REEP5: variants seen among roughly 807,000 people sequenced by gnomAD.
REEP5 encodes receptor accessory protein 5, also known as receptor expression-enhancing protein 5.
REEP5 carries 24 observed loss-of-function variants against 22.4 expected under a neutral mutation model. The ratio of observed to expected loss-of-function variants is 1.07; its 90% confidence interval spans 0.78 to 1.51. REEP5 has a LOEUF of 1.51. Among genes scored for constraint, REEP5 ranks in the 40% most tolerant of loss-of-function variants. The pLI, the probability that REEP5 is intolerant of heterozygous loss-of-function variation, is 0.00. For synonymous variants in REEP5, 103 were observed against 88.6 expected, an observed-to-expected ratio of 1.16 and a Z score of -0.92; for missense variants, 252 against 233.0, an observed-to-expected ratio of 1.08 and a Z score of -0.53.
intron 2 of REEP5, among the ~76,000 whole-genome samples, chr5:112,903,776 T>G (rs1036150039): frequency 3.3e-5 from 5 of 152,144 alleles, no homozygotes; most frequent in African/African-American, 1.2e-4. Flanking sequence ...TGATTACTAA[T>G]GAGGAAGACA....
At chr5:112,895,815 C>T (rs77945589) in intron 3 of REEP5, 10,059 of 152,234 alleles carry the variant, frequency 0.066, 391 homozygotes, top group South Asian at 0.14. Context: ...ACAGATCTGG[C>T]TCTTTTCAAT....
intron 4 of REEP5, among the ~76,000 whole-genome samples, chr5:112,885,994 G>A (rs1021582045): frequency 6.6e-6 from 1 of 152,228 alleles, no homozygotes; most frequent in African/African-American, 2.4e-5. Flanking sequence ...GTGACTGTGG[G>A]TATGAGGGCT....
At chr5:112,892,527 G>C in intron 3 of REEP5, 1 of 1,614,192 alleles carries the variant, frequency 6.2e-7, no homozygotes, top group Non-Finnish European at 8.5e-7. Flanking sequence ...ACGGACGATG[G>C]TATGCAGGAC....
At chr5:112,916,139 T>C (rs1769228016) in intron 2 of REEP5, among the ~76,000 whole-genome samples, 2 of 152,346 alleles carry the variant, frequency 1.3e-5, no homozygotes, top group South Asian at 4.1e-4. Flanking sequence ...TCTTTTTAAC[T>C]TGTGTTCCCC....
chr5:112,893,756 C>A (rs1240047252), intron 3 of REEP5: 2 of 152,274 alleles, frequency 1.3e-5, no homozygotes, highest in Non-Finnish European at 2.9e-5. Flanking sequence ...CAATGGTAGA[C>A]TAAGACCTTC....
intron 2 of REEP5, among the ~76,000 whole-genome samples, chr5:112,905,807 A>G (rs1481573865): frequency 6.6e-6 from 1 of 151,966 alleles, no homozygotes; most frequent in Non-Finnish European, 1.5e-5. Context: ...TTTTTTATAA[A>G]GACGGGGTTT....
intron 3 of REEP5, chr5:112,894,355 T>G (rs462692): frequency 0.54 from 82,759 of 152,096 alleles, 22,979 homozygotes; most frequent in African/African-American, 0.67. Flanking sequence ...GACCTCGTGA[T>G]CTGCCCACCT....
At chr5:112,914,450 C>T (rs1378506630) in intron 2 of REEP5, among the ~76,000 whole-genome samples, 3 of 151,880 alleles carry the variant, frequency 2.0e-5, no homozygotes. Context: ...GTTGTCCAGG[C>T]TGGTCTCAAA....
At chr5:112,878,905 T>C in intron 4 of REEP5, 70 bp from the exon 5 acceptor site, 1 of 1,611,300 alleles carries the variant, frequency 6.2e-7, no homozygotes, top group Admixed American at 1.7e-5. Flanking sequence ...CTTGCAAGCT[T>C]TGTGCCTAAT....
At chr5:112,907,368 C>G (rs1768978406) in intron 2 of REEP5, among the ~76,000 whole-genome samples, 1 of 152,228 alleles carries the variant, frequency 6.6e-6, no homozygotes, top group African/African-American at 2.4e-5. Flanking sequence ...GCACACCTTA[C>G]TGTCATATTC....
chr5:112,896,349 C>A (rs1768680075), intron 3 of REEP5: 1 of 152,112 alleles, frequency 6.6e-6, no homozygotes. Context: ...CATGGTGAAA[C>A]CCCATCTCTA....
chr5:112,905,123 T>C (rs554240779), intron 2 of REEP5, among the ~76,000 whole-genome samples: 1 of 152,262 alleles, frequency 6.6e-6, no homozygotes, highest in Admixed American at 6.5e-5. Flanking sequence ...TTATGTGTCA[T>C]AACAATCACA....
intron 2 of REEP5, among the ~76,000 whole-genome samples, chr5:112,919,203 A>G (rs1769295925): frequency 6.6e-6 from 1 of 152,140 alleles, no homozygotes; most frequent in Non-Finnish European, 1.5e-5. Flanking sequence ...GTTGGGACCT[A>G]ATACCCAATG....
chr5:112,892,466 A>G (rs777268637), intron 3 of REEP5: 5 of 1,614,176 alleles, frequency 3.1e-6, no homozygotes, highest in South Asian at 1.1e-5. Context: ...GGCAATGTAT[A>G]TGTTCAGTAC....
intron 1 of REEP5, 152 bp from the exon 2 acceptor site, chr5:112,921,408 G>T: frequency 1.4e-6 from 1 of 724,730 alleles, no homozygotes; most frequent in Non-Finnish European, 2.4e-6. Context: ...CGAAAGCTGG[G>T]CCTGCGCGTC....
At chr5:112,892,785 G>T in intron 3 of REEP5, 1 of 1,614,044 alleles carries the variant, frequency 6.2e-7, no homozygotes, top group Non-Finnish European at 8.5e-7. Flanking sequence ...ACAGCAGGCA[G>T]CGGGGAAGGA....
At chr5:112,894,447 C>T (rs1002174439) in intron 3 of REEP5, 2 of 152,140 alleles carry the variant, frequency 1.3e-5, no homozygotes, top group African/African-American at 2.4e-5. Flanking sequence ...AAAATTCATA[C>T]AATGTTTTAC....
At position 112,922,125 on chromosome 5, in the gene REEP5, A is replaced by G; in HGVS notation, c.66T>C (p.Leu22=). The change falls in exon 1 of 5, where the codon CTT becomes CTC. Residue 22 remains leucine (L), a synonymous_variant. Coordinates refer to ENST00000379638, the MANE Select transcript of REEP5 (RefSeq NM_005669.5). Reference sequence around the variant, plus strand: ...CGGTTTTGGCCTCGAGCTTGGCCAGAAGGTCAGTCATGCAGTTCTTCTCGT... The same window carrying G: ...CGGTTTTGGCCTCGAGCTTGGCCAGGAGGTCAGTCATGCAGTTCTTCTCGT... The part of the protein sequence containing the change: ...FLHEKNCMTD[L]LAKLEAKTGV... 5 of 1,605,478 alleles carry G rather than the reference A, an allele frequency of 3.1e-6. No homozygotes were observed. The highest frequency in any genetic ancestry group is 4.3e-6 in the Non-Finnish European group (5 of 1,176,198).
chr5:112,910,773 C>G (rs1028058185), intron 2 of REEP5, among the ~76,000 whole-genome samples: 1 of 152,184 alleles, frequency 6.6e-6, no homozygotes, highest in Admixed American at 6.5e-5. Context: ...TATCATTGCT[C>G]AAGGAAATAG....
Sources: gnomAD v4.1 joint callset for allele counts (sites outside exome capture counted in the v4.1 genomes callset) on GRCh38, gnomAD v4.1.1 for gene constraint, MANE v1.5 for transcripts, NCBI Gene and HGNC (gene_info 2026-07-23, HGNC 2026-07-21) for gene names.